Variants in DET1 observed in about 807,000 individuals in gnomAD.
DET1 encodes the protein DET1 partner of COP1 E3 ubiquitin ligase.
In DET1, 22 loss-of-function variants were observed where a neutral mutation model predicts 43.7. The ratio of observed to expected loss-of-function variants is 0.50; its 90% CI spans 0.36 to 0.72. The LOEUF (loss-of-function observed/expected upper bound fraction) is 0.72, where lower values mean the gene tolerates loss of function less well. DET1 is among the 30% of genes least tolerant of loss of function. DET1 has a pLI of 0.00. For missense variants in DET1, 713 were observed against 713.3 expected (o/e 1.00, Z 0.00); for synonymous variants, 315 against 266.2 (o/e 1.18, Z -1.79).
chr15:88,531,049 G>A lies in DET1; in HGVS notation c.657C>T (p.Asn219=), dbSNP rs1404898037. ...TGTTTTTGTACAAGTACAGCCCTTG[G>A]TTGTGTGACAAGACCACCTTGTCAC... The part of the protein sequence containing the change: ...FKCDKVVLSH[N]QGLYLYKNIL... Residue 219 remains asparagine, a synonymous_variant, in exon 2 of 5, where the codon AAC becomes AAT. Coordinates refer to ENST00000268148, the MANE Select transcript of DET1 (RefSeq NM_001144074.3). This position sits in a 1 kb window ranked among gnomAD's most constrained non-coding sequence, Gnocchi z 6.2. The A allele has an allele frequency of 6.2e-7, 1 of 1,613,772 alleles. No homozygotes were observed. Among genetic ancestry groups the A allele is most frequent in the Middle Eastern group, 1.6e-4 (1 of 6,062 alleles).
At chr15:88,535,678 C>T (rs1234140067) in intron 1 of DET1, among the ~76,000 whole-genome samples, 1 of 151,872 alleles carries the variant, frequency 6.6e-6, no homozygotes, top group African/African-American at 2.4e-5. Context: ...ATCACTTGAG[C>T]CTGGGAAGCA....
At chr15:88,536,352 T>C (rs779836917) in intron 1 of DET1, 1 of 779,406 alleles carries the variant, frequency 1.3e-6, no homozygotes, top group South Asian at 1.3e-5. Flanking sequence ...AGCAGGGAAC[T>C]GGTCTAATTC....
At chr15:88,522,516 T>TTTTTTTTTTTTG (rs1379968886) in intron 3 of DET1, among the ~76,000 whole-genome samples, 1 of 135,798 alleles carries the variant, frequency 7.4e-6, no homozygotes, top group African/African-American at 2.8e-5. Flanking sequence ...TTCCTGGTTT[T>TTTTTTTTTTTTG]TTTTTTTTTT....
At chr15:88,517,530 T>C (rs931309437) in intron 3 of DET1, among the ~76,000 whole-genome samples, 7 of 152,136 alleles carry the variant, frequency 4.6e-5, no homozygotes, top group African/African-American at 1.7e-4. Flanking sequence ...CCGGCCCTAC[T>C]TTAGAAAAGT....
At chr15:88,527,820 C>T in intron 2 of DET1, 34 bp from the exon 3 acceptor site, 1 of 1,506,454 alleles carries the variant, frequency 6.6e-7, no homozygotes, top group Admixed American at 2.2e-5. Flanking sequence ...TATGGGACAG[C>T]TGAGTATAAT....
At chr15:88,520,875 T>C (rs1392707092) in intron 3 of DET1, among the ~76,000 whole-genome samples, 2 of 152,186 alleles carry the variant, frequency 1.3e-5, no homozygotes, top group Non-Finnish European at 2.9e-5. Flanking sequence ...CAGAATGCCA[T>C]AGCTATTACT....
In DET1 at chr15:88,530,555, C is replaced by T. The variant is rs540363065; in HGVS notation, c.1083+68G>A. 2.4e-5 allele frequency: 37 copies of T among 1,523,194 alleles called. No individual in the cohort carries two copies. The African/African-American group carries it at 5.0e-4, about 21-fold the overall frequency. 94.4% of individuals were successfully genotyped at this position (1,523,194 alleles called of 1,614,324 possible). A position where few individuals can be genotyped will look rare whatever the true frequency, so the allele number is the denominator to read the frequency against. On this transcript the variant is annotated intron_variant, in intron 2 of 4. Coordinates refer to ENST00000268148, the MANE Select transcript of DET1 (RefSeq NM_001144074.3). ...CTATTTCTGAGGGGTGGGCTATAAA[C>T]AAACAGAGAAACCTTCCCATTTTGC... is the stretch of plus-strand genomic sequence containing the variant.
chr15:88,511,124 C>T (rs765493941), downstream of DET1, among the ~76,000 whole-genome samples: 6 of 152,118 alleles, frequency 3.9e-5, no homozygotes, highest in Non-Finnish European at 7.4e-5. Context: ...TGCAACCCTA[C>T]ATTTTTCATG....
At chr15:88,541,928 C>T (rs370243143) in intron 1 of DET1, among the ~76,000 whole-genome samples, 27 of 152,302 alleles carry the variant, frequency 1.8e-4, no homozygotes, top group South Asian at 6.2e-4. Context: ...CGGCTGTGAC[C>T]GCGCTGGGAG....
chr15:88,518,239 G>A (rs984037360), intron 3 of DET1, among the ~76,000 whole-genome samples: 2 of 151,946 alleles, frequency 1.3e-5, no homozygotes, highest in African/African-American at 4.8e-5. Flanking sequence ...ACAGTGCCTG[G>A]CCACAAAACT....
At position 88,539,420 on chromosome 15, in the gene DET1, A is replaced by G. The variant is rs188637049; in HGVS notation, c.-11+7120T>C. Among the ~76,000 whole-genome samples, 779 of 145,310 alleles carry G rather than the reference A, an allele frequency of 5.4e-3. 8 individuals carry two copies. The highest frequency in any genetic ancestry group is 0.019 in the African/African-American group (737 of 39,202). The stretch of plus-strand genomic sequence containing the variant: ...ACCAGGTGGGCATCTGACTGATCCC[A>G]TCACGGGAGGGCCCCCCCTTGTCTG... On this transcript the variant is annotated intron_variant, in intron 1 of 4. Coordinates refer to ENST00000268148, the MANE Select transcript of DET1 (RefSeq NM_001144074.3).
chr15:88,544,692 C>G (rs1269081721), intron 1 of DET1, among the ~76,000 whole-genome samples: 1 of 152,194 alleles, frequency 6.6e-6, no homozygotes, highest in Non-Finnish European at 1.5e-5. Context: ...AGATTCATCA[C>G]TCCTGCATCA....
Position 88,527,911 on chromosome 15 carries a change from C to A in DET1, c.1084-125G>T, listed in dbSNP as rs759289358. On this transcript the variant is annotated intron_variant, in intron 2 of 4. Transcript: ENST00000268148. ...TTTCCAAAAACAACAACAACAACAA[C>A]AACAACAACAAGCAAACACCTCGGC... The A allele has an allele frequency of 7.6e-5, 45 of 593,184 alleles. 1 individual carries two copies. Among genetic ancestry groups the A allele is most frequent in the Non-Finnish European group, 1.2e-4 (45 of 377,472 alleles). The allele number at this position is 593,184 out of a possible 1,614,324, so 36.7% of individuals were successfully genotyped here. A position where few individuals can be genotyped will look rare whatever the true frequency, so the allele number is the denominator to read the frequency against.
chr15:88,546,509 G>A (rs1400318715), intron 1 of DET1, 31 bp downstream of exon 1: 1 of 152,430 alleles, frequency 6.6e-6, no homozygotes, highest in Non-Finnish European at 1.5e-5. Flanking sequence ...TGACGGGCTT[G>A]GAGGCTGGGC....
In DET1 at chr15:88,531,292, C is replaced by T. The variant is rs1376992851; in HGVS notation, c.414G>A (p.Glu138=). 3 of 1,613,928 alleles carry T rather than the reference C, an allele frequency of 1.9e-6. No homozygotes were observed. Among genetic ancestry groups the T allele is most frequent in the Admixed American group, 1.7e-5 (1 of 60,026 alleles). Residue 138 remains glutamate, a synonymous_variant, in exon 2 of 5, where the codon GAG becomes GAA. Transcript: ENST00000268148. The surrounding 1 kb of genome is among the most constrained non-coding windows in gnomAD (Gnocchi z 6.2). ...AGAGACTACACTCCCGGTTCAGGTG[C>T]TCACCATTGGCCGCAACATTGGTAA... The part of the protein sequence containing the change: ...LHITNVAANG[E]HLNRECSLFT...
intron 7 of DET1, among the ~76,000 whole-genome samples, chr15:88,506,879 A>G (rs1430243840): frequency 2.0e-5 from 3 of 152,184 alleles, no homozygotes; most frequent in Non-Finnish European, 2.9e-5. Context: ...AGAGAGGTTC[A>G]GGGAAGAATC....
chr15:88,521,170 G>T (rs539915285), intron 3 of DET1, among the ~76,000 whole-genome samples: 1 of 152,200 alleles, frequency 6.6e-6, no homozygotes, highest in Admixed American at 6.5e-5. Flanking sequence ...TGGCCTTCTT[G>T]TTGTCCCTCA....
chr15:88,522,820 G>C (rs2056535929), intron 3 of DET1, among the ~76,000 whole-genome samples: 1 of 150,934 alleles, frequency 6.6e-6, no homozygotes, highest in African/African-American at 2.4e-5. Flanking sequence ...GCACCCGGCT[G>C]GAATGTTCCT....
intron 1 of DET1, among the ~76,000 whole-genome samples, chr15:88,538,493 C>CT (rs1231576885): frequency 4.6e-5 from 7 of 151,918 alleles, no homozygotes; most frequent in African/African-American, 1.7e-4. Flanking sequence ...CCCCCCTCCC[C>CT]TTCCTAAACC....
Sources: gnomAD v4.1 joint callset for allele counts (sites outside exome capture counted in the v4.1 genomes callset) on GRCh38, gnomAD v4.1.1 for gene constraint, Gnocchi (gnomAD v3.1) non-coding constraint, MANE v1.5 for transcripts, NCBI Gene and HGNC (gene_info 2026-07-23, HGNC 2026-07-21) for gene names.